The following LRRC4C variants were observed in gnomAD, a reference collection of about 807,000 sequenced individuals.
LRRC4C encodes the protein leucine-rich repeat-containing protein 4C.
LRRC4C carries 5 observed loss-of-function variants against 33.6 expected under a neutral mutation model. The ratio of observed to expected loss-of-function variants is 0.15; its 90% CI spans 0.08 to 0.31. The LOEUF is 0.31. Among genes scored for constraint, LRRC4C ranks in the 10% least tolerant of loss-of-function variants. LRRC4C has a pLI of 1.00. For missense variants in LRRC4C, 560 were observed against 796.7 expected (o/e 0.70, Z 3.58); for synonymous variants, 329 against 302.0 (o/e 1.09, Z -0.93).
chr11:40,533,463 C>G (rs960401538), intron 3 of LRRC4C, among the ~76,000 whole-genome samples: 3 of 96,898 alleles, frequency 3.1e-5, no homozygotes, highest in African/African-American at 1.3e-4. Context: ...TTTTCCTCAT[C>G]TGGTCTCTGA....
intron 4 of LRRC4C, among the ~76,000 whole-genome samples, chr11:40,310,602 C>T (rs1486124176): frequency 2.0e-5 from 3 of 152,192 alleles, no homozygotes; most frequent in Non-Finnish European, 4.4e-5. Flanking sequence ...GCTTAGCTTA[C>T]ATTTAATGAG....
intron 2 of LRRC4C, among the ~76,000 whole-genome samples, chr11:40,726,141 C>A: frequency 1.4e-5 from 2 of 146,586 alleles, no homozygotes; most frequent in South Asian, 2.2e-4. Context: ...GAAATTTAAT[C>A]AGTAATTTAA....
At chr11:40,769,178 G>A (rs951026471) in intron 2 of LRRC4C, among the ~76,000 whole-genome samples, 1 of 151,408 alleles carries the variant, frequency 6.6e-6, no homozygotes, top group African/African-American at 2.4e-5. Flanking sequence ...AACTTTATTT[G>A]TCAACAGATA....
intron 3 of LRRC4C, among the ~76,000 whole-genome samples, chr11:40,636,046 C>T (rs753185142): frequency 5.3e-5 from 8 of 152,032 alleles, no homozygotes; most frequent in Admixed American, 2.0e-4. Context: ...GATCTCATGC[C>T]CAGTGTGCTC....
At chr11:40,510,664 A>C (rs796281367) in intron 3 of LRRC4C, among the ~76,000 whole-genome samples, 1 of 152,164 alleles carries the variant, frequency 6.6e-6, no homozygotes, top group African/African-American at 2.4e-5. Context: ...AGAGGTCTCA[A>C]ATAAGCCTAA....
At chr11:40,628,839 T>C (rs1262295344) in intron 3 of LRRC4C, among the ~76,000 whole-genome samples, 1 of 152,218 alleles carries the variant, frequency 6.6e-6, no homozygotes, top group African/African-American at 2.4e-5. Context: ...GATGTTTTCA[T>C]CTAGTCTGAT....
intron 2 of LRRC4C, among the ~76,000 whole-genome samples, chr11:40,652,331 TCAAA>T (rs1942859651): frequency 6.6e-6 from 1 of 152,208 alleles, no homozygotes. Flanking sequence ...TCAAATAGAT[TCAAA>T]CAGTGTTATA....
chr11:41,142,988 C>A lies in LRRC4C; in HGVS notation c.-495-209265G>T, dbSNP rs143799628. On this transcript the variant is annotated intron_variant, in intron 1 of 6. Coordinates refer to ENST00000528697, the MANE Select transcript of LRRC4C (RefSeq NM_001258419.2). ...AAAGCAGAGTTTTTCCATAAGGATA[C>A]TTTATATATTTGTGTTATAGAAAAT... Among the ~76,000 whole-genome samples the A allele has an allele frequency of 6.1e-3, 932 of 152,196 alleles. 13 individuals are homozygous for A. The highest frequency in any genetic ancestry group is 0.021 in the African/African-American group (884 of 41,530).
chr11:40,493,655 A>G (rs1954275881), intron 3 of LRRC4C, among the ~76,000 whole-genome samples: 2 of 152,206 alleles, frequency 1.3e-5, no homozygotes, highest in African/African-American at 2.4e-5. Flanking sequence ...ATAAACTATT[A>G]AAACAAATAG....
At chr11:40,316,491 T>G (rs903060177) in intron 4 of LRRC4C, among the ~76,000 whole-genome samples, 3 of 151,916 alleles carry the variant, frequency 2.0e-5, no homozygotes, top group African/African-American at 7.3e-5. Flanking sequence ...TAAACATCAG[T>G]AGGGATATGG....
At chr11:40,843,469 C>T (rs1953008617) in intron 2 of LRRC4C, among the ~76,000 whole-genome samples, 1 of 152,108 alleles carries the variant, frequency 6.6e-6, no homozygotes, top group Non-Finnish European at 1.5e-5. Context: ...TTTCAAAACA[C>T]CCAAGTTAAC....
At chr11:41,308,258 G>A (rs1201145191) in intron 1 of LRRC4C, among the ~76,000 whole-genome samples, 2 of 152,024 alleles carry the variant, frequency 1.3e-5, no homozygotes, top group Non-Finnish European at 2.9e-5. Context: ...TTTCACTCTG[G>A]AGAAAAACGC....
intron 4 of LRRC4C, among the ~76,000 whole-genome samples, chr11:40,249,712 T>G (rs954205343): frequency 6.6e-6 from 1 of 152,058 alleles, no homozygotes; most frequent in Non-Finnish European, 1.5e-5. Context: ...TACATCATAC[T>G]TAATACTTAA....
intron 2 of LRRC4C, among the ~76,000 whole-genome samples, chr11:40,880,135 G>A (rs914334318): frequency 2.0e-5 from 3 of 152,214 alleles, no homozygotes; most frequent in South Asian, 4.1e-4. Context: ...AGGTCTGCTG[G>A]AAGTACTAGA....
At chr11:41,363,670 T>C (rs1952434827) in intron 1 of LRRC4C, among the ~76,000 whole-genome samples, 1 of 152,168 alleles carries the variant, frequency 6.6e-6, no homozygotes, top group Admixed American at 6.5e-5. Flanking sequence ...AAAAGAAGAA[T>C]AAAGTAAATT....
At chr11:40,797,651 A>G (rs559640189) in intron 2 of LRRC4C, among the ~76,000 whole-genome samples, 2 of 152,298 alleles carry the variant, frequency 1.3e-5, no homozygotes, top group Admixed American at 1.3e-4. Flanking sequence ...AAGGATCAAA[A>G]ATTACCTTAT....
intron 1 of LRRC4C, among the ~76,000 whole-genome samples, chr11:41,070,056 G>A (rs896993960): frequency 1.3e-5 from 2 of 152,088 alleles, no homozygotes; most frequent in African/African-American, 2.4e-5. Context: ...CATGGTACTG[G>A]TACAAAAACA....
chr11:40,829,633 T>C (rs1027539918), intron 2 of LRRC4C, among the ~76,000 whole-genome samples: 1 of 152,038 alleles, frequency 6.6e-6, no homozygotes, highest in African/African-American at 2.4e-5. Context: ...ATTTGAACAA[T>C]ATCGTCCAAA....
intron 1 of LRRC4C, among the ~76,000 whole-genome samples, chr11:40,952,772 A>G (rs1319951880): frequency 1.3e-5 from 2 of 150,380 alleles, no homozygotes; most frequent in Non-Finnish European, 3.0e-5. Context: ...AACTTCTTGT[A>G]CTTGTGAATC....
Sources: allele counts gnomAD v4.1 joint callset (sites outside exome capture counted in the v4.1 genomes callset), GRCh38; gene constraint gnomAD v4.1.1; transcripts MANE v1.5; gene names NCBI Gene and HGNC (gene_info 2026-07-23, HGNC 2026-07-21).